The following GNB1 variants were observed in gnomAD, a reference collection of about 807,000 sequenced individuals.
GNB1 encodes the protein G protein subunit beta 1.
A neutral mutation model predicts 42.9 loss-of-function variants in GNB1; 2 were observed. The ratio of observed to expected loss-of-function variants is 0.05; its 90% CI spans 0.02 to 0.15. The LOEUF is 0.15. Ranked by LOEUF, GNB1 falls within the 10% of genes least tolerant of loss-of-function variation. GNB1 has a pLI of 1.00. For missense variants in GNB1, 193 were observed against 462.2 expected (o/e 0.42, Z 5.34); for synonymous variants, 183 against 174.7 (o/e 1.05, Z -0.38).
chr1:1,793,484 G>A, intron 7 of GNB1, 173 bp from the exon 8 acceptor site: 2 of 500,462 alleles, frequency 4.0e-6, no homozygotes, highest in South Asian at 5.7e-5. Flanking sequence ...CACACGCACT[G>A]CTGGTGAGGG....
chr1:1,889,104 G>A (rs1260090870), intron 1 of GNB1, among the ~76,000 whole-genome samples: 1 of 152,164 alleles, frequency 6.6e-6, no homozygotes, highest in South Asian at 2.1e-4. Context: ...TCTCCCAAAA[G>A]ACTATCACTT....
chr1:1,876,323 T>C (rs1015016708), intron 1 of GNB1, among the ~76,000 whole-genome samples: 15 of 152,086 alleles, frequency 9.9e-5, no homozygotes, highest in African/African-American at 2.9e-4. Context: ...TTTTTTTTAA[T>C]AGAGACAGGG....
chr1:1,886,274 C>T (rs563917376), intron 1 of GNB1, among the ~76,000 whole-genome samples: 9 of 152,208 alleles, frequency 5.9e-5, no homozygotes, highest in Non-Finnish European at 8.8e-5. Context: ...GCCGAGATTG[C>T]GCCACTGCAC....
At chr1:1,858,910 G>A (rs1032318005) in intron 1 of GNB1, among the ~76,000 whole-genome samples, 20 of 152,190 alleles carry the variant, frequency 1.3e-4, no homozygotes, top group African/African-American at 4.8e-4. Context: ...AACAAGGGGT[G>A]GGGTGGGACG....
At chr1:1,871,907 G>T (rs1188399936) in intron 1 of GNB1, among the ~76,000 whole-genome samples, 1 of 151,736 alleles carries the variant, frequency 6.6e-6, no homozygotes, top group Non-Finnish European at 1.5e-5. Flanking sequence ...GCCAAACCAC[G>T]CCATTTCTCA....
chr1:1,785,802 A>G lies in GNB1; in HGVS notation c.*1261T>C. On this transcript the variant is annotated 3_prime_UTR_variant, in exon 12 of 12. Transcript: ENST00000378609. ...TCCAACAGCAGTCGTTTGCAACAGA[A>G]CTTTTTTTTTTTTAAAGAAATAAAG... 1 of 384,106 alleles carries G rather than the reference A, an allele frequency of 2.6e-6. No homozygotes were observed. Among genetic ancestry groups the G allele is most frequent in the Admixed American group, 4.5e-5 (1 of 22,068 alleles). The allele number at this position is 384,106 out of a possible 1,614,324, so 23.8% of individuals were successfully genotyped here.
At chr1:1,843,931 C>T (rs1025948403) in intron 1 of GNB1, among the ~76,000 whole-genome samples, 5 of 151,234 alleles carry the variant, frequency 3.3e-5, no homozygotes, top group African/African-American at 1.2e-4. Context: ...TGCGGTGGCT[C>T]ATTCCTGTAA....
At chr1:1,847,441 T>A (rs945166187) in intron 1 of GNB1, among the ~76,000 whole-genome samples, 1 of 152,216 alleles carries the variant, frequency 6.6e-6, no homozygotes, top group Admixed American at 6.5e-5. Context: ...AGTTCAATAC[T>A]GACGGCAATG....
intron 1 of GNB1, 79 bp downstream of exon 1, chr1:1,890,741 G>GGGGGC (rs952626246): frequency 7.4e-5 from 11 of 148,396 alleles, no homozygotes; most frequent in South Asian, 4.2e-4. Context: ...CGGGTGGGGT[G>GGGGGC]GGGGCGGGGC....
At chr1:1,815,911 T>A (rs2100860192) in intron 4 of GNB1, 49 bp from the exon 5 acceptor site, 2 of 1,113,948 alleles carry the variant, frequency 1.8e-6, no homozygotes, top group Non-Finnish European at 2.7e-6. Flanking sequence ...ATTAAACGAT[T>A]CTCCTCATCA....
At chr1:1,804,323 T>TA in intron 7 of GNB1, 96 bp downstream of exon 7, 3 of 799,250 alleles carry the variant, frequency 3.8e-6, no homozygotes, top group East Asian at 5.5e-5. Context: ...ATTAATTAAT[T>TA]AAAAAATGAT....
chr1:1,830,718 G>T lies in GNB1; in HGVS notation c.-46-5219C>A, dbSNP rs545589002. Among the ~76,000 whole-genome samples the T allele has an allele frequency of 4.6e-5, 7 of 152,014 alleles. No individual in the cohort carries two copies. In the South Asian group the frequency reaches 1.5e-3, roughly 32 times the overall value. On this transcript the variant is annotated intron_variant, in intron 2 of 11. Transcript: ENST00000378609. ...CCACCCATCACACCCAGCTATTTTT[G>T]AAATTTTTGGTAGAGACGAGGCCTT...
chr1:1,830,670 G>A (rs1401346354), intron 2 of GNB1, among the ~76,000 whole-genome samples: 2 of 152,038 alleles, frequency 1.3e-5, no homozygotes, highest in African/African-American at 2.4e-5. Flanking sequence ...AGCCTCCAGA[G>A]TAGCCAGGAC....
intron 5 of GNB1, among the ~76,000 whole-genome samples, chr1:1,808,267 C>A (rs559372097): frequency 6.6e-6 from 1 of 151,970 alleles, no homozygotes; most frequent in East Asian, 1.9e-4. Flanking sequence ...GGCCTCCCAA[C>A]GTTTTGGTAT....
At chr1:1,830,833 T>C (rs1647066123) in intron 2 of GNB1, among the ~76,000 whole-genome samples, 1 of 151,944 alleles carries the variant, frequency 6.6e-6, no homozygotes, top group South Asian at 2.1e-4. Flanking sequence ...ATCTATTGCA[T>C]GAGCCACCAC....
chr1:1,873,933 A>T (rs1444824693), intron 1 of GNB1, among the ~76,000 whole-genome samples: 1 of 152,158 alleles, frequency 6.6e-6, no homozygotes, highest in Non-Finnish European at 1.5e-5. Flanking sequence ...CAGCGTGGGG[A>T]CTAAATACAA....
intron 1 of GNB1, among the ~76,000 whole-genome samples, chr1:1,862,672 C>T (rs1193976954): frequency 6.6e-6 from 1 of 151,860 alleles, no homozygotes; most frequent in African/African-American, 2.4e-5. Flanking sequence ...GTTGCCTAGG[C>T]TGGTCTCCAG....
chr1:1,850,749 A>G (rs1647936243), intron 1 of GNB1, among the ~76,000 whole-genome samples: 1 of 152,082 alleles, frequency 6.6e-6, no homozygotes, highest in Admixed American at 6.6e-5. Flanking sequence ...GTTGGCTTCC[A>G]TTTATTTCTC....
chr1:1,824,944 C>T (rs974039984), intron 3 of GNB1: 1 of 156,944 alleles, frequency 6.4e-6, no homozygotes, highest in Non-Finnish European at 1.4e-5. Context: ...CAATCATCAC[C>T]GCTAGGGAAG....
Sources: gnomAD v4.1 joint callset for allele counts (sites outside exome capture counted in the v4.1 genomes callset) on GRCh38, gnomAD v4.1.1 for gene constraint, MANE v1.5 for transcripts, NCBI Gene and HGNC (gene_info 2026-07-23, HGNC 2026-07-21) for gene names.